The following GRIA4 variants were observed in gnomAD, a reference collection of about 807,000 sequenced individuals.
GRIA4 encodes the protein glutamate receptor 4.
GRIA4 carries 34 observed loss-of-function variants against 104.0 expected under a neutral mutation model. That is an observed-to-expected ratio of 0.33 (90% CI 0.25 to 0.44). The LOEUF (loss-of-function observed/expected upper bound fraction) is 0.44. Ranked by LOEUF, GRIA4 falls within the 20% of genes least tolerant of loss-of-function variation. The pLI is 1.00. For missense variants in GRIA4, 750 were observed against 1,096.5 expected, an observed-to-expected ratio of 0.68 and a Z score of 4.46; for synonymous variants, 386 against 381.9, an observed-to-expected ratio of 1.01 and a Z score of -0.13.
chr11:105,910,601 T>C, intron 10 of GRIA4, 56 bp downstream of exon 10: 1 of 896,542 alleles, frequency 1.1e-6, no homozygotes, highest in Non-Finnish European at 1.9e-6. Flanking sequence ...CAATTTTAAC[T>C]CCCCAGCGAC....
chr11:105,921,023 G>A (rs547084919), intron 11 of GRIA4, among the ~76,000 whole-genome samples: 2 of 152,264 alleles, frequency 1.3e-5, no homozygotes, highest in Non-Finnish European at 2.9e-5. Flanking sequence ...ATAGAACAAA[G>A]TCTATTATAT....
intron 4 of GRIA4, among the ~76,000 whole-genome samples, chr11:105,816,232 G>A (rs1943370097): frequency 6.6e-6 from 1 of 152,134 alleles, no homozygotes; most frequent in Admixed American, 6.6e-5. Context: ...TATTAATACA[G>A]GTGTGTTGTG....
chr11:105,662,055 C>T (rs189017002), intron 3 of GRIA4, among the ~76,000 whole-genome samples: 2 of 150,980 alleles, frequency 1.3e-5, no homozygotes, highest in East Asian at 2.0e-4. Context: ...AGAATATAAA[C>T]TCAACAGAAG....
At chr11:105,649,818 T>C (rs1591501065) in intron 3 of GRIA4, among the ~76,000 whole-genome samples, 1 of 152,032 alleles carries the variant, frequency 6.6e-6, no homozygotes, top group Non-Finnish European at 1.5e-5. Flanking sequence ...CAGAGGTAGA[T>C]TTGAGCATTA....
At chr11:105,634,600 C>T (rs1233884953) in intron 3 of GRIA4, among the ~76,000 whole-genome samples, 1 of 152,078 alleles carries the variant, frequency 6.6e-6, no homozygotes, top group Non-Finnish European at 1.5e-5. Flanking sequence ...ATATACCAAG[C>T]TATTCCTATG....
At chr11:105,965,897 C>A in intron 14 of GRIA4, 1 of 1,259,370 alleles carries the variant, frequency 7.9e-7, no homozygotes, top group Non-Finnish European at 1.2e-6. Flanking sequence ...TTCCTTCTAA[C>A]ATCTTAACAG....
At chr11:105,977,462 T>A (rs1376794046) in intron 16 of GRIA4, among the ~76,000 whole-genome samples, 1 of 152,008 alleles carries the variant, frequency 6.6e-6, no homozygotes, top group Non-Finnish European at 1.5e-5. Flanking sequence ...TTCATCAGCA[T>A]ATGACTTTAT....
intron 9 of GRIA4, 51 bp downstream of exon 9, chr11:105,905,352 T>C: frequency 3.0e-6 from 3 of 1,012,338 alleles, no homozygotes; most frequent in Non-Finnish European, 4.7e-6. Context: ...TTAGTTTGTA[T>C]GTAACATTTT....
intron 3 of GRIA4, among the ~76,000 whole-genome samples, chr11:105,724,509 A>G (rs1018246165): frequency 6.6e-6 from 1 of 152,068 alleles, no homozygotes; most frequent in Non-Finnish European, 1.5e-5. Flanking sequence ...AGTGGAGACC[A>G]TTATCTGAAC....
chr11:105,934,168 T>C (rs1305238726), intron 14 of GRIA4, among the ~76,000 whole-genome samples, 199 bp downstream of exon 14: 1 of 152,138 alleles, frequency 6.6e-6, no homozygotes, highest in Non-Finnish European at 1.5e-5. Context: ...TGTTGACATA[T>C]ATCTTTGAAG....
chr11:105,978,958 C>A (rs1442785717), intron 16 of GRIA4, among the ~76,000 whole-genome samples: 1 of 152,152 alleles, frequency 6.6e-6, no homozygotes, highest in African/African-American at 2.4e-5. Context: ...CTTTTCAGTG[C>A]ACCCCTTTTA....
chr11:105,614,564 C>T (rs574906801), intron 3 of GRIA4: 9 of 151,920 alleles, frequency 5.9e-5, no homozygotes, highest in Non-Finnish European at 1.2e-4. Context: ...AACTTTAAGT[C>T]TGTTTATTTA....
chr11:105,971,221 A>G (rs1858673075), intron 14 of GRIA4, among the ~76,000 whole-genome samples: 1 of 152,226 alleles, frequency 6.6e-6, no homozygotes, highest in Non-Finnish European at 1.5e-5. Flanking sequence ...CAAGATAGAC[A>G]AGATAGATGA....
chr11:105,875,542 C>A (rs540366168), intron 5 of GRIA4, among the ~76,000 whole-genome samples: 8 of 152,194 alleles, frequency 5.3e-5, no homozygotes, highest in African/African-American at 1.9e-4. Context: ...TCTGTCTGGT[C>A]CTGGGCTTTT....
At chr11:105,853,408 C>A (rs1944890185) in intron 4 of GRIA4, among the ~76,000 whole-genome samples, 1 of 152,042 alleles carries the variant, frequency 6.6e-6, no homozygotes. Context: ...AAAGGTATTC[C>A]TGCTGAGATA....
At position 105,910,543 on chromosome 11, in the gene GRIA4, A is replaced by G. The variant is rs1295891932; in HGVS notation, c.1267A>G (p.Met423Val). The G allele has an allele frequency of 1.4e-6, 2 of 1,453,530 alleles. No homozygotes were observed. The highest frequency in any genetic ancestry group is 2.8e-5 in the African/African-American group (2 of 71,906). 90.0% of individuals were successfully genotyped at this position (1,453,530 alleles called of 1,614,324 possible). A position where few individuals can be genotyped will look rare whatever the true frequency, so the allele number is the denominator to read the frequency against. The change falls in exon 10 of 17, where the codon ATG (methionine) becomes GTG (valine). Residue 423 changes from methionine to valine, a missense_variant and splice_region_variant. Physicochemically the swap from Met to Val is conservative, Grantham distance 21. This residue lies in a region of GRIA4 where 272 missense variants were observed against 524.5 expected (regional missense o/e 0.52). Transcript: ENST00000282499. Reference sequence around the variant, plus strand: ...CAGAACAGTGGTTGTAACCACAATTATGGTAAGTGTTGGTCTATGCTTTAT... The same window carrying G: ...CAGAACAGTGGTTGTAACCACAATTGTGGTAAGTGTTGGTCTATGCTTTAT... ...ENRTVVVTTI[M>V]ESPYVMYKKN...
At chr11:105,963,658 G>C (rs1948795055) in intron 14 of GRIA4, among the ~76,000 whole-genome samples, 2 of 152,108 alleles carry the variant, frequency 1.3e-5, no homozygotes, top group South Asian at 4.1e-4. Flanking sequence ...ATGGATAGCA[G>C]TGTGAAACTA....
intron 4 of GRIA4, among the ~76,000 whole-genome samples, chr11:105,817,814 C>T (rs569043537): frequency 1.4e-4 from 21 of 152,104 alleles, no homozygotes; most frequent in East Asian, 1.2e-3. Flanking sequence ...GATCAGTGTA[C>T]GTGCAGAACC....
intron 4 of GRIA4, among the ~76,000 whole-genome samples, chr11:105,791,069 C>T (rs749597359): frequency 2.0e-5 from 3 of 152,148 alleles, no homozygotes; most frequent in Admixed American, 6.6e-5. Context: ...CCTGAAAGTG[C>T]TGAGGGAGCT....
Sources: gnomAD v4.1 joint callset for allele counts (sites outside exome capture counted in the v4.1 genomes callset) on GRCh38, gnomAD v4.1.1 for gene constraint, gnomAD v4.1.1 regional missense constraint, MANE v1.5 for transcripts, NCBI Gene and HGNC (gene_info 2026-07-23, HGNC 2026-07-21) for gene names.